POU6F2: variants seen among roughly 807,000 people sequenced by gnomAD.
POU6F2 encodes POU domain, class 6, transcription factor 2.
Under a neutral mutation model 71.3 loss-of-function variants are expected in POU6F2, and 31 were observed. The observed-to-expected ratio is 0.43, with a 90% CI of 0.33 to 0.59. The LOEUF (loss-of-function observed/expected upper bound fraction) is 0.59. Ranked by LOEUF, POU6F2 falls within the 20% of genes least tolerant of loss-of-function variation. The pLI, the probability that POU6F2 is intolerant of heterozygous loss-of-function variation, is 0.04. For synonymous variants in POU6F2, 347 were observed against 355.7 expected (o/e 0.98, Z 0.27); for missense variants, 783 against 856.8 (o/e 0.91, Z 1.07).
intron 1 of POU6F2, among the ~76,000 whole-genome samples, chr7:38,988,329 G>T (rs1788511336): frequency 6.6e-6 from 1 of 151,998 alleles, no homozygotes; most frequent in Non-Finnish European, 1.5e-5. Flanking sequence ...GGTGGAGCTT[G>T]GGTATTAGTA....
chr7:38,988,493 G>T (rs1184259961), intron 1 of POU6F2, among the ~76,000 whole-genome samples: 1 of 152,086 alleles, frequency 6.6e-6, no homozygotes, highest in Non-Finnish European at 1.5e-5. Flanking sequence ...ATCCCTGTGT[G>T]TCTGTGTGTG....
At chr7:39,382,460 G>A (rs1018254077) in intron 5 of POU6F2, among the ~76,000 whole-genome samples, 1 of 152,206 alleles carries the variant, frequency 6.6e-6, no homozygotes, top group African/African-American at 2.4e-5. Flanking sequence ...GGACCAGGGT[G>A]AGGCAGGCAA....
intron 2 of POU6F2, among the ~76,000 whole-genome samples, chr7:39,180,311 G>C (rs1183187622): frequency 1.3e-5 from 2 of 152,158 alleles, no homozygotes; most frequent in Admixed American, 1.3e-4. Context: ...GAGAAAAAGA[G>C]CATAAAAGGG....
intron 5 of POU6F2, among the ~76,000 whole-genome samples, chr7:39,389,530 T>C (rs536618465): frequency 2.0e-5 from 3 of 152,292 alleles, no homozygotes; most frequent in East Asian, 1.9e-4. Flanking sequence ...GATCTGTAGG[T>C]GCAAATCAAT....
At chr7:39,384,567 C>CA (rs34812278) in intron 5 of POU6F2, among the ~76,000 whole-genome samples, 290 of 151,508 alleles carry the variant, frequency 1.9e-3, no homozygotes, top group Admixed American at 3.4e-3. Flanking sequence ...CAAAAAATGA[C>CA]AAAAAAAAAG....
At chr7:39,357,320 A>G (rs1019893134) in intron 5 of POU6F2, among the ~76,000 whole-genome samples, 10 of 152,188 alleles carry the variant, frequency 6.6e-5, no homozygotes, top group Admixed American at 3.3e-4. Flanking sequence ...GGCACTTAAC[A>G]TATGCCAGGC....
intron 4 of POU6F2, among the ~76,000 whole-genome samples, chr7:39,334,801 C>T (rs59663839): frequency 6.6e-6 from 1 of 152,028 alleles, no homozygotes; most frequent in Non-Finnish European, 1.5e-5. Context: ...TTTTCTTCTT[C>T]TAGAGATCTT....
intron 1 of POU6F2, among the ~76,000 whole-genome samples, chr7:38,980,284 T>C (rs1042509433): frequency 1.8e-4 from 27 of 152,304 alleles, no homozygotes; most frequent in East Asian, 7.7e-4. Context: ...TGTGCTAAAA[T>C]GTACAAACTA....
chr7:39,309,148 G>A (rs73695267), intron 4 of POU6F2, among the ~76,000 whole-genome samples: 8,442 of 152,210 alleles, frequency 0.055, 310 homozygotes, highest in South Asian at 0.17. Context: ...GGAGGGAGTC[G>A]GGCACAGAAT....
At chr7:39,072,552 T>A (rs1219390083) in intron 1 of POU6F2, among the ~76,000 whole-genome samples, 1 of 152,192 alleles carries the variant, frequency 6.6e-6, no homozygotes, top group Non-Finnish European at 1.5e-5. Flanking sequence ...ATGGGTCTGA[T>A]TTTCCCCTTG....
intron 2 of POU6F2, among the ~76,000 whole-genome samples, chr7:39,183,472 AC>A (rs777328551): frequency 6.6e-6 from 1 of 152,142 alleles, no homozygotes; most frequent in Non-Finnish European, 1.5e-5. Context: ...GAGGTGCTAC[AC>A]ACTTTTATAA....
chr7:39,085,501 G>C (rs576889094), intron 1 of POU6F2, among the ~76,000 whole-genome samples: 1 of 151,688 alleles, frequency 6.6e-6, no homozygotes, highest in Non-Finnish European at 1.5e-5. Flanking sequence ...ATTAAAGACA[G>C]AACAAGGTGT....
At chr7:39,042,877 A>C (rs2128712231) in intron 1 of POU6F2, among the ~76,000 whole-genome samples, 1 of 152,096 alleles carries the variant, frequency 6.6e-6, no homozygotes, top group African/African-American at 2.4e-5. Flanking sequence ...CAGGGAGAAT[A>C]GAAATCTTCT....
intron 5 of POU6F2, among the ~76,000 whole-genome samples, chr7:39,379,462 C>A (rs1021166489): frequency 2.0e-5 from 3 of 152,150 alleles, no homozygotes; most frequent in Non-Finnish European, 2.9e-5. Context: ...CACCCTGCAC[C>A]CACCTGCCTG....
At chr7:39,433,026 T>C in intron 6 of POU6F2, 51 bp from the exon 7 acceptor site, 1 of 1,589,648 alleles carries the variant, frequency 6.3e-7, no homozygotes, top group East Asian at 2.2e-5. Flanking sequence ...TTCAGTTGCA[T>C]GCACAGACCC....
At chr7:39,020,975 T>A (rs1022658756) in intron 1 of POU6F2, among the ~76,000 whole-genome samples, 1 of 151,982 alleles carries the variant, frequency 6.6e-6, no homozygotes, top group Non-Finnish European at 1.5e-5. Flanking sequence ...TTTTTTAAAA[T>A]GTTCTTTTAA....
At chr7:39,144,107 G>C (rs146228622) in intron 2 of POU6F2, among the ~76,000 whole-genome samples, 53 of 152,060 alleles carry the variant, frequency 3.5e-4, no homozygotes, top group African/African-American at 1.2e-3. Flanking sequence ...GAGGTGTCAG[G>C]CACTGAGAAT....
At position 39,085,921 on chromosome 7, in the gene POU6F2, C is replaced by A. The variant is rs1461973335; in HGVS notation, c.167C>A (p.Ala56Glu). ...PLLSVRSEMN[A>E]ELRGEDKAAT... The stretch of plus-strand genomic sequence containing the variant: ...CTGTCAGTGCGGAGTGAAATGAATG[C>A]GGAGTTGAGAGGTGAGGACAAGGCT... The change falls in exon 2 of 10, where the codon GCG becomes GAG. Residue 56 changes from alanine to glutamate, a missense_variant. This residue lies in a region of POU6F2 where 572 missense variants were observed against 572.9 expected (regional missense o/e 1.00). Transcript: ENST00000518318. 5.6e-6 allele frequency: 9 copies of A among 1,613,292 alleles called. No homozygotes were observed. The Admixed American group carries it at 1.2e-4, about 21-fold the overall frequency.
chr7:39,159,412 C>A (rs71536632), intron 2 of POU6F2, among the ~76,000 whole-genome samples: 37,123 of 152,066 alleles, frequency 0.24, 4,703 homozygotes, highest in South Asian at 0.36. Flanking sequence ...ATCTAAGCAC[C>A]GTGGAGCACC....
Sources: gnomAD v4.1 joint callset for allele counts (sites outside exome capture counted in the v4.1 genomes callset) on GRCh38, gnomAD v4.1.1 for gene constraint, gnomAD v4.1.1 regional missense constraint, MANE v1.5 for transcripts, NCBI Gene and HGNC (gene_info 2026-07-23, HGNC 2026-07-21) for gene names.